Variants in FCRL4 observed in about 807,000 individuals in gnomAD.
FCRL4 encodes Fc receptor like 4.
FCRL4 carries 43 observed loss-of-function variants against 64.1 expected under a neutral mutation model. The ratio of observed to expected loss-of-function variants is 0.67; its 90% CI spans 0.53 to 0.87. The LOEUF is 0.87. Among genes scored for constraint, FCRL4 ranks in the 40% least tolerant of loss-of-function variants. The probability of loss-of-function intolerance (pLI) is 0.00; values close to 1 mark genes in which losing one functional copy is unlikely to be tolerated. For missense variants in FCRL4, 656 were observed against 613.5 expected (o/e 1.07, Z -0.73); for synonymous variants, 253 against 239.8 (o/e 1.05, Z -0.51).
Position 157,596,360 on chromosome 1 carries a change from T to C in FCRL4, c.32-12A>G, listed in dbSNP as rs558724984. On this transcript the variant is annotated splice_polypyrimidine_tract_variant and intron_variant, in intron 1 of 11. Coordinates refer to ENST00000271532, the MANE Select transcript of FCRL4 (RefSeq NM_031282.3). The stretch of plus-strand genomic sequence containing the variant: ...TCCACAGACTGGAGCTGAAAGAGAG[T>C]AAAGAGCCAGCCATCAGCGTAGGCG... 1 of 1,613,420 alleles carries C rather than the reference T, an allele frequency of 6.2e-7. No individual in the cohort carries two copies. The highest frequency in any genetic ancestry group is 2.2e-5 in the East Asian group (1 of 44,852).
chr1:157,582,904 C>T (rs572464703), intron 6 of FCRL4, among the ~76,000 whole-genome samples: 8 of 152,164 alleles, frequency 5.3e-5, no homozygotes, highest in Non-Finnish European at 7.4e-5. Flanking sequence ...CTGGGGCATC[C>T]GCCGGTGCAA....
intron 2 of FCRL4, among the ~76,000 whole-genome samples, chr1:157,592,750 G>T (rs191058975): frequency 7.2e-4 from 109 of 152,288 alleles, no homozygotes; most frequent in African/African-American, 2.6e-3. Flanking sequence ...ATACCCAAAG[G>T]ATTATAAATC....
Position 157,586,207 on chromosome 1 carries a change from C to T in FCRL4, c.1096G>A (p.Gly366Ser), listed in dbSNP as rs765263802. 51 of 1,613,872 alleles carry T rather than the reference C, an allele frequency of 3.2e-5. No homozygotes were observed. Among genetic ancestry groups the T allele is most frequent in the African/African-American group, 1.9e-4 (14 of 75,038 alleles). ...TTCAGCACCATGCTCTGGACAGGGC[C>T]GTAGCTGTTGTCTGCTGTACAGTAG... ...GYYCTADNSY[G>S]PVQSMVLNVT... Residue 366 changes from glycine (G) to serine (S), a missense_variant, in exon 6 of 12, where the codon GGC becomes AGC. By Grantham distance (56) the Gly-to-Ser change is moderately conservative. Coordinates refer to ENST00000271532, the MANE Select transcript of FCRL4 (RefSeq NM_031282.3).
intron 3 of FCRL4, 97 bp downstream of exon 3, chr1:157,589,107 A>G: frequency 7.5e-7 from 1 of 1,341,792 alleles, no homozygotes; most frequent in South Asian, 1.4e-5. Flanking sequence ...ATCGAGGGTT[A>G]GAGAGGAATG....
At position 157,586,175 on chromosome 1, in the gene FCRL4, AG is replaced by A. The variant is rs769812516; in HGVS notation, c.1127del (p.Thr376MetfsTer2). The A allele has an allele frequency of 1.2e-6, 2 of 1,604,530 alleles. No homozygotes were observed. The highest frequency in any genetic ancestry group is 1.7e-6 in the Non-Finnish European group (2 of 1,172,630). ...ATAGAGATTAAAACTCACCTCTCAC[AG>A]TGACATTCAGCACCATGCTCTGGAC... Reference protein sequence around the residue: ...GPVQSMVLNVTVRETPGNRDG... With the variant: ...GPVQSMVLNVXVRETPGNRDG... On this transcript the variant is annotated frameshift_variant, in exon 6 of 12. Transcript: ENST00000271532. LOFTEE classifies it high-confidence loss of function.
intron 1 of FCRL4, among the ~76,000 whole-genome samples, chr1:157,596,587 A>G (rs906581486): frequency 6.6e-6 from 1 of 152,158 alleles, no homozygotes; most frequent in Non-Finnish European, 1.5e-5. Flanking sequence ...TTCAAGTCTC[A>G]GTTTTCTCAT....
At chr1:157,576,237 T>C (rs184252414) in intron 10 of FCRL4, among the ~76,000 whole-genome samples, 2 of 152,264 alleles carry the variant, frequency 1.3e-5, no homozygotes, top group Non-Finnish European at 2.9e-5. Context: ...TGGTGAACCA[T>C]GCATATTAGA....
At chr1:157,589,575 G>A (rs1571143276) in intron 2 of FCRL4, 117 bp from the exon 3 acceptor site, 2 of 1,312,002 alleles carry the variant, frequency 1.5e-6, no homozygotes, top group East Asian at 2.5e-5. Context: ...GCCCCCGGAT[G>A]ACTTCTGTTT....
intron 10 of FCRL4, 126 bp from the exon 11 acceptor site, chr1:157,575,856 C>T (rs766552379): frequency 3.1e-5 from 26 of 842,902 alleles, no homozygotes; most frequent in Non-Finnish European, 5.0e-5. Flanking sequence ...CCACCTCATC[C>T]CCTAACATGT....
rs559945196 is a variant in FCRL4, at chr1:157,574,063, A to G, written c.*1461T>C. On this transcript the variant is annotated 3_prime_UTR_variant, in exon 12 of 12. Coordinates refer to ENST00000271532, the MANE Select transcript of FCRL4 (RefSeq NM_031282.3). Reference sequence around the variant, plus strand: ...ATGTGACAAATTCATACACTCATATAATTTGTAAAGATCAAATCAGCGTAG... The same window carrying G: ...ATGTGACAAATTCATACACTCATATGATTTGTAAAGATCAAATCAGCGTAG... 5.2e-5 allele frequency: 11 copies of G among 212,102 alleles called. No homozygotes were observed. The highest frequency in any genetic ancestry group is 9.6e-5 in the Non-Finnish European group (10 of 104,578). 13.1% of individuals were successfully genotyped at this position (212,102 alleles called of 1,614,324 possible).
chr1:157,594,857 T>C (rs1182380120), intron 2 of FCRL4, among the ~76,000 whole-genome samples: 1 of 152,332 alleles, frequency 6.6e-6, no homozygotes, highest in East Asian at 1.9e-4. Context: ...AGAAGCTAAA[T>C]GTTCTGTTTG....
intron 1 of FCRL4, 94 bp downstream of exon 1, chr1:157,597,820 T>TA: frequency 1.0e-6 from 1 of 958,440 alleles, no homozygotes; most frequent in Non-Finnish European, 1.6e-6. Flanking sequence ...AAAATGGGAG[T>TA]AAAAATCCAT....
intron 5 of FCRL4, among the ~76,000 whole-genome samples, chr1:157,587,035 C>T (rs1258953139): frequency 6.6e-6 from 1 of 152,224 alleles, no homozygotes; most frequent in Admixed American, 6.5e-5. Context: ...GCTCTCAAAC[C>T]TAACTCCATG....
At chr1:157,591,391 G>A (rs1347007244) in intron 2 of FCRL4, among the ~76,000 whole-genome samples, 1 of 152,162 alleles carries the variant, frequency 6.6e-6, no homozygotes, top group East Asian at 1.9e-4. Flanking sequence ...ACCTAACATA[G>A]ATAGAGGGAA....
intron 1 of FCRL4, among the ~76,000 whole-genome samples, chr1:157,597,657 A>G (rs533974751): frequency 1.3e-5 from 2 of 152,298 alleles, no homozygotes; most frequent in South Asian, 4.1e-4. Context: ...TTTTGCATAA[A>G]CAAAATAAGT....
intron 2 of FCRL4, among the ~76,000 whole-genome samples, chr1:157,591,579 T>C (rs1652840695): frequency 1.3e-5 from 2 of 152,148 alleles, no homozygotes; most frequent in South Asian, 2.1e-4. Flanking sequence ...ATAAGAAATA[T>C]ATCCAGATAG....
chr1:157,588,069 C>T lies in FCRL4; in HGVS notation c.358G>A (p.Val120Ile). 6.2e-7 allele frequency: 1 copy of T among 1,613,802 alleles called. No homozygotes were observed. Reference sequence around the variant, plus strand: ...TTCCTTCTTCTGTGGCATCTCAGAACCAATGTGTCACCTTCAAACACAGAA... The same window carrying T: ...TTCCTTCTTCTGTGGCATCTCAGAATCAATGTGTCACCTTCAAACACAGAA... ...PYSVFEGDTL[V>I]LRCHRRRKEK... Residue 120 changes from valine to isoleucine, a missense_variant, in exon 4 of 12, where the codon GTT becomes ATT. Transcript: ENST00000271532.
At position 157,576,314 on chromosome 1, in the gene FCRL4, G is replaced by A. The variant is rs529812090; in HGVS notation, c.1430-584C>T. Among the ~76,000 whole-genome samples, 5 of 152,300 alleles carry A rather than the reference G, an allele frequency of 3.3e-5. No homozygotes were observed. In the South Asian group the frequency reaches 6.2e-4, roughly 19 times the overall value. ...CAGAGCAATTTTATGGAGAGAGAGA[G>A]CCTGAAAAACAGATACACTCTGGGG... On this transcript the variant is annotated intron_variant, in intron 10 of 11. Transcript: ENST00000271532.
intron 7 of FCRL4, among the ~76,000 whole-genome samples, chr1:157,581,147 C>G (rs1652550162): frequency 6.6e-6 from 1 of 152,174 alleles, no homozygotes; most frequent in Non-Finnish European, 1.5e-5. Context: ...TTCTGCAGAG[C>G]CTTTAGTTCA....
Sources: allele counts gnomAD v4.1 joint callset (sites outside exome capture counted in the v4.1 genomes callset), GRCh38; gene constraint gnomAD v4.1.1; transcripts MANE v1.5; gene names NCBI Gene and HGNC (gene_info 2026-07-23, HGNC 2026-07-21).